The following FOCAD variants were observed in gnomAD, a reference collection of about 807,000 sequenced individuals.
FOCAD encodes the protein focadhesin, also known as KIAA1797.
FOCAD carries 198 observed loss-of-function variants against 225.6 expected under a neutral mutation model. That is an observed-to-expected ratio of 0.88 (90% CI 0.78 to 0.99). The LOEUF (loss-of-function observed/expected upper bound fraction) is 0.99. Among genes scored for constraint, FOCAD ranks in the 50% least tolerant of loss-of-function variants. FOCAD has a pLI of 0.00. For synonymous variants in FOCAD, 897 were observed against 755.0 expected (o/e 1.19, Z -3.08); for missense variants, 2,713 against 2,123.6 (o/e 1.28, Z -5.46).
chr9:20,829,197 C>A (rs1825234354), intron 15 of FOCAD, among the ~76,000 whole-genome samples: 1 of 152,004 alleles, frequency 6.6e-6, no homozygotes, highest in South Asian at 2.1e-4. Flanking sequence ...AGATCTAGAT[C>A]TTTGAGGAAA....
intron 37 of FOCAD, among the ~76,000 whole-genome samples, chr9:20,979,355 T>C (rs1840487167): frequency 6.6e-6 from 1 of 152,214 alleles, no homozygotes; most frequent in Non-Finnish European, 1.5e-5. Context: ...GTTGTTGTTT[T>C]TGAGACAGTT....
chr9:20,982,055 C>T (rs796703785), intron 38 of FOCAD, among the ~76,000 whole-genome samples: 3 of 152,236 alleles, frequency 2.0e-5, no homozygotes, highest in Admixed American at 6.5e-5. Flanking sequence ...TAGCATCGCC[C>T]TTCCCTCCCC....
At chr9:20,992,773 C>T (rs1841777076) in intron 42 of FOCAD, among the ~76,000 whole-genome samples, 1 of 152,088 alleles carries the variant, frequency 6.6e-6, no homozygotes, top group Non-Finnish European at 1.5e-5. Flanking sequence ...TCCTGGCCAT[C>T]ATGGTAAAAC....
chr9:20,975,073 T>C (rs1370932568), intron 35 of FOCAD, among the ~76,000 whole-genome samples: 1 of 152,148 alleles, frequency 6.6e-6, no homozygotes, highest in East Asian at 1.9e-4. Context: ...CCTCTACTTT[T>C]CCTTTTGTTG....
intron 38 of FOCAD, 42 bp downstream of exon 38, chr9:20,981,728 G>T: frequency 6.4e-7 from 1 of 1,574,358 alleles, no homozygotes; most frequent in South Asian, 1.2e-5. Flanking sequence ...ATTTATGTTT[G>T]GGATATTTTA....
chr9:20,658,020 T>A (rs1018878031), upstream of FOCAD, among the ~76,000 whole-genome samples: 2 of 144,306 alleles, frequency 1.4e-5, no homozygotes, highest in Non-Finnish European at 3.1e-5. Flanking sequence ...GCTGCAGGTC[T>A]GTTGGAATAC....
intron 15 of FOCAD, among the ~76,000 whole-genome samples, chr9:20,829,367 T>G (rs1032713483): frequency 2.0e-5 from 3 of 152,150 alleles, no homozygotes; most frequent in Admixed American, 6.5e-5. Context: ...GGTTTTGATT[T>G]GCATTTCTCT....
intron 21 of FOCAD, among the ~76,000 whole-genome samples, chr9:20,899,966 G>C (rs1457788708): frequency 1.3e-5 from 2 of 151,862 alleles, no homozygotes; most frequent in African/African-American, 4.8e-5. Flanking sequence ...CTGTACAGGG[G>C]ACATGCAGTG....
rs762795520 is a variant in FOCAD, at chr9:20,862,576, A to G, written c.1921-2A>G. 1 of 1,612,680 alleles carries G rather than the reference A, an allele frequency of 6.2e-7. No homozygotes were observed. Among genetic ancestry groups the G allele is most frequent in the Admixed American group, 1.7e-5 (1 of 59,858 alleles). On this transcript the variant is annotated splice_acceptor_variant, in intron 15 of 43. Coordinates refer to ENST00000338382, the MANE Select transcript of FOCAD (RefSeq NM_001375567.1). LOFTEE classifies it high-confidence loss of function. Reference sequence around the variant, plus strand: ...TGTTGACCTTTTCTATTTGCTTCACAGGTTGTTTGCATTCGCTCCACTTGG... The same window carrying G: ...TGTTGACCTTTTCTATTTGCTTCACGGGTTGTTTGCATTCGCTCCACTTGG...
intron 15 of FOCAD, among the ~76,000 whole-genome samples, chr9:20,827,838 A>G (rs1252395734): frequency 6.6e-6 from 1 of 152,126 alleles, no homozygotes; most frequent in African/African-American, 2.4e-5. Context: ...CATGAGGCCC[A>G]AGGTTAATAA....
At chr9:20,866,026 T>G (rs759027601) in intron 17 of FOCAD, 50 bp downstream of exon 17, 1 of 1,464,700 alleles carries the variant, frequency 6.8e-7, no homozygotes, top group Non-Finnish European at 9.4e-7. Flanking sequence ...AAGGAAATAA[T>G]TTTGACATTT....
chr9:20,689,328 G>C (rs976716947), intron 1 of FOCAD, among the ~76,000 whole-genome samples: 2 of 152,160 alleles, frequency 1.3e-5, no homozygotes, highest in Non-Finnish European at 2.9e-5. Flanking sequence ...GTAGATGACT[G>C]TGGTACCCAG....
rs148495154 is a variant in FOCAD, at chr9:20,948,353, G to A, written c.3758G>A (p.Ser1253Asn). 61 of 1,612,496 alleles carry A rather than the reference G, an allele frequency of 3.8e-5. No homozygotes were observed. Among genetic ancestry groups the A allele is most frequent in the Middle Eastern group, 3.3e-4 (2 of 6,052 alleles). Residue 1253 changes from serine (S) to asparagine (N), a missense_variant, in exon 31 of 44, where the codon AGC (serine) becomes AAC (asparagine). Coordinates refer to ENST00000338382, the MANE Select transcript of FOCAD (RefSeq NM_001375567.1). ...CATGGAAAAGCTGAAGACTTGGGCA[G>A]CAAACTACTCCCTGCCTGGATCAGA... ...CGHGKAEDLG[S>N]KLLPAWIRIV... is the part of the protein sequence containing the mutation.
At chr9:20,910,069 C>T (rs569435088) in intron 22 of FOCAD, among the ~76,000 whole-genome samples, 33 of 152,180 alleles carry the variant, frequency 2.2e-4, no homozygotes, top group South Asian at 1.0e-3. Flanking sequence ...TCTGCTTAGA[C>T]GTCTGCTTCA....
intron 15 of FOCAD, among the ~76,000 whole-genome samples, chr9:20,839,169 ATT>A (rs1188470091): frequency 6.6e-6 from 1 of 150,898 alleles, no homozygotes; most frequent in Admixed American, 6.6e-5. Context: ...TGTTTCCATC[ATT>A]TTGTTAGCCA....
intron 1 of FOCAD, among the ~76,000 whole-genome samples, chr9:20,711,388 A>G (rs1406603352): frequency 6.6e-6 from 1 of 152,236 alleles, no homozygotes; most frequent in Non-Finnish European, 1.5e-5. Flanking sequence ...CAGGATTTGC[A>G]TTTAATCCAA....
intron 4 of FOCAD, chr9:20,726,341 G>A (rs1000796155): frequency 5.3e-5 from 8 of 152,176 alleles, no homozygotes; most frequent in South Asian, 2.1e-4. Context: ...GCTCTCCTGC[G>A]GAACCAGGTA....
chr9:20,970,027 G>C (rs1290982675), intron 35 of FOCAD, among the ~76,000 whole-genome samples: 1 of 145,968 alleles, frequency 6.9e-6, no homozygotes, highest in Non-Finnish European at 1.5e-5. Context: ...GTGTTATCCT[G>C]TTCCTTACTG....
intron 5 of FOCAD, among the ~76,000 whole-genome samples, chr9:20,743,947 C>G (rs191585830): frequency 6.6e-6 from 1 of 152,066 alleles, no homozygotes; most frequent in Non-Finnish European, 1.5e-5. Flanking sequence ...TCCTAAGTAC[C>G]AAGGCACCAA....
Sources: gnomAD v4.1 joint callset for allele counts (sites outside exome capture counted in the v4.1 genomes callset) on GRCh38, gnomAD v4.1.1 for gene constraint, MANE v1.5 for transcripts, NCBI Gene and HGNC (gene_info 2026-07-23, HGNC 2026-07-21) for gene names.